EPG5: variants seen among roughly 807,000 people sequenced by gnomAD.
EPG5 encodes ectopic P-granules 5 autophagy tethering factor, also known as ectopic P granules protein 5 homolog.
A neutral mutation model predicts 302.7 loss-of-function variants in EPG5; 159 were observed. The observed-to-expected ratio is 0.53, with a 90% CI of 0.46 to 0.60. The LOEUF is 0.60. Among genes scored for constraint, EPG5 ranks in the 20% least tolerant of loss-of-function variants. EPG5 has a pLI of 0.00. For missense variants in EPG5, 2,896 were observed against 3,092.4 expected (o/e 0.94, Z 1.51); for synonymous variants, 1,158 against 1,136.8 (o/e 1.02, Z -0.37).
Position 45,923,275 on chromosome 18 carries a change from A to G in EPG5, c.2831T>C (p.Met944Thr), listed in dbSNP as rs2050195438. 1 of 1,613,362 alleles carries G rather than the reference A, an allele frequency of 6.2e-7. No homozygotes were observed. The highest frequency in any genetic ancestry group is 1.3e-5 in the African/African-American group (1 of 74,916). Residue 944 changes from methionine (M) to threonine (T), a missense_variant, in exon 15 of 44, where the codon ATG (methionine) becomes ACG (threonine). Met to Thr is a moderately conservative substitution (Grantham distance 81). This residue lies in a region of EPG5 where 1,390 missense variants were observed against 1,430.0 expected (regional missense o/e 0.97). Coordinates refer to ENST00000282041, the MANE Select transcript of EPG5 (RefSeq NM_020964.3). ...KPYAGILSES[M>T]KQVSYLASIV... is the part of the protein sequence containing the mutation. ...CAGAAGAGAAGGAAATACCTGCTTCATACTTTCAGAGAGAATCCCAGCATA... is the reference window on the plus strand; with the variant it reads ...CAGAAGAGAAGGAAATACCTGCTTCGTACTTTCAGAGAGAATCCCAGCATA...
At chr18:45,841,901 G>A in the EPG5 span, among the ~76,000 whole-genome samples, 1 of 152,140 alleles carries the variant, frequency 6.6e-6, no homozygotes, top group Non-Finnish European at 1.5e-5. Flanking sequence ...CAACTCTATG[G>A]TCTGGGCTGC....
the EPG5 span, among the ~76,000 whole-genome samples, chr18:45,823,433 T>C: frequency 1.4e-4 from 21 of 152,034 alleles, no homozygotes; most frequent in African/African-American, 3.6e-4. Context: ...CTAAATTACC[T>C]CTCTCACCAG....
In EPG5 at chr18:45,951,344, G is replaced by A. The variant is rs117836619; in HGVS notation, c.1253-106C>T. The A allele has an allele frequency of 1.1e-4, 87 of 768,932 alleles. 1 individual carries two copies. In the East Asian group the frequency reaches 2.8e-3, roughly 25 times the overall value. The allele number at this position is 768,932 out of a possible 1,614,324, so 47.6% of individuals were successfully genotyped here. Reference sequence around the variant, plus strand: ...ACAACAAAAACCTTTAAAATATTTAGTGCAGATAAAAGGAGAAAAGTTACA... The same window carrying A: ...ACAACAAAAACCTTTAAAATATTTAATGCAGATAAAAGGAGAAAAGTTACA... On this transcript the variant is annotated intron_variant, in intron 3 of 43. Transcript: ENST00000282041.
the EPG5 span, chr18:45,828,998 TGAGG>T: frequency 4.3e-5 from 32 of 745,328 alleles, no homozygotes; most frequent in Non-Finnish European, 4.9e-5. Context: ...TTGCTTGAAC[TGAGG>T]AAGTCCTATC....
chr18:45,839,174 C>A, the EPG5 span: 5 of 1,327,976 alleles, frequency 3.8e-6, no homozygotes, highest in Non-Finnish European at 4.8e-6. Context: ...ACCTGGCTGA[C>A]CCCCTGGCAC....
At chr18:45,826,066 G>C in the EPG5 span, among the ~76,000 whole-genome samples, 1 of 152,170 alleles carries the variant, frequency 6.6e-6, no homozygotes. Flanking sequence ...AGCATCCAGA[G>C]GACAATAGGC....
At position 45,916,024 on chromosome 18, in the gene EPG5, G is replaced by A. The variant is rs757349087; in HGVS notation, c.3567C>T (p.Leu1189=). 4.5e-5 allele frequency: 73 copies of A among 1,612,188 alleles called. 1 individual carries two copies. In the South Asian group the frequency reaches 6.5e-4, roughly 14 times the overall value. The change falls in exon 19 of 44, where the codon CTC becomes CTT. Residue 1189 remains leucine (L), a synonymous_variant. Coordinates refer to ENST00000282041, the MANE Select transcript of EPG5 (RefSeq NM_020964.3). The part of the protein sequence containing the change: ...LMQEDCIQKL[L]YQQHKNALGY... ...GGTTAATTACCTTATGTTGTTGGTA[G>A]AGTAATTTCTGTATGCAGTCTTCCT...
intron 2 of EPG5, 146 bp downstream of exon 2, chr18:45,954,248 C>T: frequency 1.4e-6 from 1 of 739,960 alleles, no homozygotes; most frequent in Non-Finnish European, 2.2e-6. Flanking sequence ...CTGGCTCCTG[C>T]AGGCATTTGA....
At chr18:45,830,583 C>CTTTTTTTTTTTTTT in the EPG5 span, among the ~76,000 whole-genome samples, 8 of 96,702 alleles carry the variant, frequency 8.3e-5, 1 homozygote, top group African/African-American at 1.7e-4. Flanking sequence ...ATTTTTCTTT[C>CTTTTTTTTTTTTTT]TTTTTTTTTT....
intron 23 of EPG5, among the ~76,000 whole-genome samples, chr18:45,910,152 A>C (rs1568144658): frequency 6.7e-6 from 1 of 149,828 alleles, no homozygotes; most frequent in African/African-American, 2.5e-5. Flanking sequence ...GGCTTGGCTA[A>C]TTTTTTTTTT....
intron 21 of EPG5, 46 bp downstream of exon 21, chr18:45,913,660 G>C (rs746931882): frequency 1.1e-5 from 17 of 1,609,062 alleles, no homozygotes; most frequent in Non-Finnish European, 1.7e-6. Flanking sequence ...CAGCATCAAA[G>C]TGTAAGCCAC....
chr18:45,802,117 G>A, the EPG5 span, among the ~76,000 whole-genome samples: 3 of 152,130 alleles, frequency 2.0e-5, no homozygotes, highest in Admixed American at 2.0e-4. Context: ...GTGGAGTGCT[G>A]ATGTGATGGA....
the EPG5 span, chr18:45,825,417 A>G: frequency 4.2e-6 from 2 of 477,508 alleles, no homozygotes; most frequent in South Asian, 6.6e-5. Flanking sequence ...CTGTGAGGGG[A>G]TGGCAGCCAC....
intron 14 of EPG5, among the ~76,000 whole-genome samples, chr18:45,924,077 C>CT (rs2050215560): frequency 6.6e-6 from 1 of 151,988 alleles, no homozygotes; most frequent in Non-Finnish European, 1.5e-5. Flanking sequence ...TCTACATTCC[C>CT]TTTTCCTGTT....
intron 9 of EPG5, among the ~76,000 whole-genome samples, chr18:45,941,468 G>C (rs970125323): frequency 6.6e-6 from 1 of 152,140 alleles, no homozygotes; most frequent in Non-Finnish European, 1.5e-5. Flanking sequence ...ACTAATAGAC[G>C]ATCTGAAGGC....
chr18:45,923,260 G>A lies in EPG5; in HGVS notation c.2838+8C>T. ...TTCATGTTTCCAAATCAGAAGAGAA[G>A]GAAATACCTGCTTCATACTTTCAGA... On this transcript the variant is annotated splice_region_variant and intron_variant, in intron 15 of 43. Coordinates refer to ENST00000282041, the MANE Select transcript of EPG5 (RefSeq NM_020964.3). 1 of 1,611,926 alleles carries A rather than the reference G, an allele frequency of 6.2e-7. No homozygotes were observed. Among genetic ancestry groups the A allele is most frequent in the Non-Finnish European group, 8.5e-7 (1 of 1,179,382 alleles).
At chr18:45,944,925 A>T (rs528261850) in intron 7 of EPG5, among the ~76,000 whole-genome samples, 154 of 152,356 alleles carry the variant, frequency 1.0e-3, no homozygotes, top group African/African-American at 3.5e-3. Flanking sequence ...CAGTATAAAA[A>T]TAACAGTGGT....
rs8098175 is a variant in EPG5 at position 45,939,475 on chromosome 18, A to G, written c.2099+125T>C. The G allele has an allele frequency of 0.2, 189,397 of 940,448 alleles. 25,792 individuals are homozygous for G. The highest frequency in any genetic ancestry group is 0.55 in the African/African-American group (33,329 of 60,056). The allele number at this position is 940,448 out of a possible 1,614,324, so 58.3% of individuals were successfully genotyped here. A position where few individuals can be genotyped will look rare whatever the true frequency, so the allele number is the denominator to read the frequency against. On this transcript the variant is annotated intron_variant, in intron 10 of 43. Transcript: ENST00000282041. ...AACCAAGGCCCAAGAATTTGCCCTC[A>G]ATAAGAAATAGATGAAATACACTAA... is the stretch of plus-strand genomic sequence containing the variant.
At chr18:45,826,246 G>C in the EPG5 span, among the ~76,000 whole-genome samples, 1 of 152,276 alleles carries the variant, frequency 6.6e-6, no homozygotes, top group South Asian at 2.1e-4. Flanking sequence ...GGGATATAGT[G>C]AGGGATAGAG....
Sources: allele counts gnomAD v4.1 joint callset (sites outside exome capture counted in the v4.1 genomes callset), GRCh38; gene constraint gnomAD v4.1.1; regional missense constraint gnomAD v4.1.1; transcripts MANE v1.5; gene names NCBI Gene and HGNC (gene_info 2026-07-23, HGNC 2026-07-21).